The following RIMBP2 variants were observed in gnomAD, a reference collection of about 807,000 sequenced individuals.
RIMBP2 encodes the protein RIMS-binding protein 2.
In RIMBP2, 48 loss-of-function variants were observed where a neutral mutation model predicts 118.6. The ratio of observed to expected loss-of-function variants is 0.40; its 90% CI spans 0.32 to 0.51. The LOEUF is 0.51. Among genes scored for constraint, RIMBP2 ranks in the 20% least tolerant of loss-of-function variants. RIMBP2 has a pLI of 0.41. For missense variants in RIMBP2, 1,551 were observed against 1,768.3 expected (o/e 0.88, Z 2.20); for synonymous variants, 762 against 742.9 (o/e 1.03, Z -0.42).
chr12:130,498,836 C>A (rs559244533), intron 4 of RIMBP2, among the ~76,000 whole-genome samples: 4 of 152,296 alleles, frequency 2.6e-5, no homozygotes, highest in Admixed American at 2.0e-4. Flanking sequence ...GGAGGCCCCA[C>A]GTGAGAACCA....
At chr12:130,583,708 A>G (rs554846617) in intron 2 of RIMBP2, among the ~76,000 whole-genome samples, 8 of 149,568 alleles carry the variant, frequency 5.3e-5, no homozygotes, top group Middle Eastern at 3.5e-3. Flanking sequence ...CATCACCACC[A>G]CCGCCATCAC....
chr12:130,566,664 C>A (rs1032221010), intron 2 of RIMBP2, among the ~76,000 whole-genome samples: 8 of 152,250 alleles, frequency 5.3e-5, no homozygotes, highest in South Asian at 4.1e-4. Context: ...CCGGACTCTG[C>A]AGCCCCAGCC....
intron 4 of RIMBP2, among the ~76,000 whole-genome samples, chr12:130,480,996 G>C (rs1423028525): frequency 3.9e-5 from 6 of 152,354 alleles, no homozygotes; most frequent in African/African-American, 1.4e-4. Flanking sequence ...GAAGGTTAAC[G>C]TGGTTTCCTG....
chr12:130,465,713 A>G (rs1209610575), intron 6 of RIMBP2: 1 of 152,194 alleles, frequency 6.6e-6, no homozygotes, highest in African/African-American at 2.4e-5. Context: ...GCCTGGGGTA[A>G]AGCGACTTCC....
intron 21 of RIMBP2, among the ~76,000 whole-genome samples, chr12:130,400,348 A>T (rs1340570749): frequency 2.0e-5 from 3 of 152,198 alleles, no homozygotes; most frequent in African/African-American, 7.2e-5. Context: ...AACAATATGG[A>T]GAAAATGAAA....
chr12:130,710,293 T>C lies in RIMBP2; in HGVS notation c.-352+5929A>G, dbSNP rs1949816449. Among the ~76,000 whole-genome samples the C allele has an allele frequency of 1.3e-5, 2 of 152,098 alleles. No homozygotes were observed. Among genetic ancestry groups the C allele is most frequent in the Admixed American group, 1.3e-4 (2 of 15,280 alleles). On this transcript the variant is annotated intron_variant, in intron 1 of 22. Transcript: ENST00000690449. The surrounding 1 kb of genome is among the most constrained non-coding windows in gnomAD (Gnocchi z 4.3). ...CTCAGCTTCAACGCCACCTCCTCCC[T>C]GAGACCCTCCCAGATCATCCAGGTG... is the stretch of plus-strand genomic sequence containing the variant.
intron 2 of RIMBP2, among the ~76,000 whole-genome samples, chr12:130,610,589 C>G (rs2060472714): frequency 1.9e-5 from 2 of 102,894 alleles, no homozygotes. Flanking sequence ...GAGACGGAGT[C>G]TCGCTCTGTC....
chr12:130,560,451 C>A (rs1275406963), intron 2 of RIMBP2, among the ~76,000 whole-genome samples: 5 of 151,976 alleles, frequency 3.3e-5, no homozygotes. Context: ...CCACTGGATG[C>A]CACTAGACCC....
chr12:130,473,095 G>A (rs979767073), intron 5 of RIMBP2, among the ~76,000 whole-genome samples: 1 of 152,202 alleles, frequency 6.6e-6, no homozygotes, highest in African/African-American at 2.4e-5. Context: ...ATTCCAGCAG[G>A]CTGTTAAAAC....
intron 2 of RIMBP2, among the ~76,000 whole-genome samples, chr12:130,571,914 C>T (rs568810288): frequency 2.6e-5 from 4 of 152,318 alleles, no homozygotes; most frequent in South Asian, 2.1e-4. Context: ...CCTGGACACC[C>T]CTAGAGCCCC....
intron 2 of RIMBP2, among the ~76,000 whole-genome samples, chr12:130,625,124 G>T (rs1253679624): frequency 6.6e-6 from 1 of 152,052 alleles, no homozygotes; most frequent in Non-Finnish European, 1.5e-5. Flanking sequence ...GTCAAATCAG[G>T]GTAATTAGGA....
rs60125986 is a variant in RIMBP2 at position 130,436,120 on chromosome 12, G to A, written c.2106+722C>T. On this transcript the variant is annotated intron_variant, in intron 13 of 22. Transcript: ENST00000690449. ...GTTCTGGGTGGGGATGCGGGCACAC[G>A]TTCTGGCTCCCAGCCCCACATCTCT... Among the ~76,000 whole-genome samples the A allele has an allele frequency of 9.4e-4, 143 of 152,312 alleles. 1 individual carries two copies. The highest frequency in any genetic ancestry group is 2.6e-3 in the African/African-American group (110 of 41,572).
At position 130,424,038 on chromosome 12, in the gene RIMBP2, A is replaced by T. The variant is rs1428559991; in HGVS notation, c.3129+104T>A. The T allele has an allele frequency of 2.3e-5, 13 of 568,268 alleles. No homozygotes were observed. The highest frequency in any genetic ancestry group is 2.9e-5 in the Non-Finnish European group (11 of 381,760). 35.2% of individuals were successfully genotyped at this position (568,268 alleles called of 1,614,324 possible). On this transcript the variant is annotated intron_variant, in intron 16 of 22. Coordinates refer to ENST00000690449, the MANE Select transcript of RIMBP2 (RefSeq NM_001393629.1). This position sits in a 1 kb window ranked among gnomAD's most constrained non-coding sequence, Gnocchi z 9.8. ...CAGGGAAAACGAAAGACAGCCAGCA[A>T]GAGAGTCCCCAGGGATGGACACCAG...
rs557294205 is a variant in RIMBP2, at chr12:130,648,799, G to C, written c.-351-20343C>G. On this transcript the variant is annotated intron_variant, in intron 1 of 22. Transcript: ENST00000690449. ...AGCCTCCCGAGTAGCTGGGATTACA[G>C]GCCTGCACCACCACGCCCAGCTAAT... Among the ~76,000 whole-genome samples the C allele has an allele frequency of 2.1e-5, 3 of 144,730 alleles. No individual in the cohort carries two copies. In the South Asian group the frequency reaches 6.4e-4, roughly 31 times the overall value. 94.9% of individuals were successfully genotyped at this position (144,730 alleles called of 152,430 possible).
In RIMBP2 at chr12:130,441,982, T is replaced by C; in HGVS notation, c.1370A>G (p.Gln457Arg). ...DIVKAARYKY[Q>R]FFNLRPNMAY... is the part of the protein sequence containing the mutation. ...CATGTTGGGCCTGAGATTGAAGAAC[T>C]GGTACTTGTACCTGGCGGCCTTGAC... The change falls in exon 11 of 23, where the codon CAG becomes CGG. Residue 457 changes from glutamine to arginine, a missense_variant. Physicochemically the swap from Gln to Arg is conservative, Grantham distance 43. This residue lies in a region of RIMBP2 where 265 missense variants were observed against 349.5 expected (regional missense o/e 0.76). Coordinates refer to ENST00000690449, the MANE Select transcript of RIMBP2 (RefSeq NM_001393629.1). 17 of 1,614,194 alleles carry C rather than the reference T, an allele frequency of 1.1e-5. No individual in the cohort carries two copies. The highest frequency in any genetic ancestry group is 1.4e-5 in the Non-Finnish European group (17 of 1,180,050).
chr12:130,400,442 T>A (rs749306861), intron 21 of RIMBP2, among the ~76,000 whole-genome samples: 15 of 152,244 alleles, frequency 9.9e-5, no homozygotes, highest in Non-Finnish European at 1.9e-4. Context: ...TACATATCTA[T>A]GCCTTGTCTA....
intron 2 of RIMBP2, among the ~76,000 whole-genome samples, chr12:130,561,707 T>A (rs2056835468): frequency 6.6e-6 from 1 of 152,132 alleles, no homozygotes; most frequent in Non-Finnish European, 1.5e-5. Flanking sequence ...AATTAAGGGA[T>A]GAACATTCAC....
intron 2 of RIMBP2, among the ~76,000 whole-genome samples, chr12:130,599,447 C>T (rs1486640113): frequency 1.3e-5 from 2 of 152,080 alleles, no homozygotes; most frequent in African/African-American, 4.8e-5. Context: ...AACTAATGGG[C>T]AAAATGATTT....
chr12:130,399,114 C>T lies in RIMBP2; in HGVS notation c.3900+565G>A, dbSNP rs185943540. On this transcript the variant is annotated intron_variant, in intron 22 of 22. Coordinates refer to ENST00000690449, the MANE Select transcript of RIMBP2 (RefSeq NM_001393629.1). ...ATCGGTATCTTCAGTTGCTCACTTA[C>T]GTGAAGGCTACATTGCCTGATTAAG... 4 of 1,382,794 alleles carry T rather than the reference C, an allele frequency of 2.9e-6. No individual in the cohort carries two copies. The South Asian group carries it at 6.7e-5, about 23-fold the overall frequency. The allele number at this position is 1,382,794 out of a possible 1,614,324, so 85.7% of individuals were successfully genotyped here.
Sources: gnomAD v4.1 joint callset for allele counts (sites outside exome capture counted in the v4.1 genomes callset) on GRCh38, gnomAD v4.1.1 for gene constraint, gnomAD v4.1.1 regional missense constraint, Gnocchi (gnomAD v3.1) non-coding constraint, MANE v1.5 for transcripts, NCBI Gene and HGNC (gene_info 2026-07-23, HGNC 2026-07-21) for gene names.